SPDYE1: variants seen among roughly 807,000 people sequenced by gnomAD.
The protein encoded by SPDYE1 is speedy/RINGO cell cycle regulator family member E1, also known as speedy protein E1.
In SPDYE1, 29 loss-of-function variants were observed where a neutral mutation model predicts 45.9. The ratio of observed to expected loss-of-function variants is 0.63; its 90% CI spans 0.47 to 0.86. The LOEUF is 0.86. SPDYE1 is among the 40% of genes least tolerant of loss of function. The probability of loss-of-function intolerance (pLI) is 0.00; values close to 1 mark genes in which losing one functional copy is unlikely to be tolerated. For synonymous variants in SPDYE1, 134 were observed against 176.8 expected (o/e 0.76, Z 1.92); for missense variants, 346 against 481.4 (o/e 0.72, Z 2.63).
Position 44,009,379 on chromosome 7 carries a change from T to C in SPDYE1, c.*758T>C, listed in dbSNP as rs1016898345. On this transcript the variant is annotated 3_prime_UTR_variant, in exon 9 of 9. Coordinates refer to ENST00000693451, the MANE Select transcript of SPDYE1 (RefSeq NM_001378423.2). ...GAGCACTCTTTTTATCTATGATACT[T>C]CCATAATAATCTCTTCTATTTATAG... is the stretch of plus-strand genomic sequence containing the variant. 2 of 151,772 alleles carry C rather than the reference T, an allele frequency of 1.3e-5. No individual in the cohort carries two copies. The highest frequency in any genetic ancestry group is 6.6e-5 in the Admixed American group (1 of 15,204). The allele number at this position is 151,772 out of a possible 1,614,324, so 9.4% of individuals were successfully genotyped here.
Position 44,005,165 on chromosome 7 carries a change from G to T in SPDYE1, c.690G>T (p.Ala230=), listed in dbSNP as rs369364627. 6.2e-6 allele frequency: 10 copies of T among 1,611,734 alleles called. No individual in the cohort carries two copies. Among genetic ancestry groups the T allele is most frequent in the Middle Eastern group, 2.2e-4 (1 of 4,452 alleles). Residue 230 remains alanine, a synonymous_variant, in exon 6 of 9, where the codon GCG becomes GCT. Coordinates refer to ENST00000693451, the MANE Select transcript of SPDYE1 (RefSeq NM_001378423.2). ...AGTATCTCCTTGCTATGGTCATAGCGTATTTCAGCCGAGCCGGCTTCCCCT... is the reference window on the plus strand; with the variant it reads ...AGTATCTCCTTGCTATGGTCATAGCTTATTTCAGCCGAGCCGGCTTCCCCT... ...SDKYLLAMVI[A]YFSRAGFPSW...
At chr7:44,007,111 T>C in intron 6 of SPDYE1, 157 bp from the exon 7 acceptor site, 2 of 1,521,992 alleles carry the variant, frequency 1.3e-6, no homozygotes, top group South Asian at 1.3e-5. Flanking sequence ...CAGGTCTCTG[T>C]CCAGCAGAGC....
rs1400225973 is a variant in SPDYE1 at position 44,007,801 on chromosome 7, G to A, written c.*33G>A. ...GGGACCGTGGAGGCCTGAGGTCATC[G>A]GCCTGAGAGAAGGTACATCTGCATC... On this transcript the variant is annotated 3_prime_UTR_variant, in exon 8 of 9. Transcript: ENST00000693451. The A allele has an allele frequency of 2.8e-5, 45 of 1,607,074 alleles. No homozygotes were observed. The Middle Eastern group carries it at 1.6e-3, about 56-fold the overall frequency.
intron 5 of SPDYE1, 54 bp from the exon 6 acceptor site, chr7:44,005,088 C>A (rs1227624646): frequency 1.4e-4 from 219 of 1,588,854 alleles, no homozygotes; most frequent in East Asian, 1.1e-4. Context: ...TCTCCACAAT[C>A]TTCCTCTTCC....
At position 44,007,171 on chromosome 7, in the gene SPDYE1, T is replaced by G. The variant is rs2096072424; in HGVS notation, c.753-97T>G. The G allele has an allele frequency of 8.1e-6, 13 of 1,607,778 alleles. No individual in the cohort carries two copies. The South Asian group carries it at 1.4e-4, about 18-fold the overall frequency. ...TGCAGGGTGGGTGCCAGTCCTGAGC[T>G]AGGAACGGTCCCTTACCTTCCTCTC... On this transcript the variant is annotated intron_variant, in intron 6 of 8. Coordinates refer to ENST00000693451, the MANE Select transcript of SPDYE1 (RefSeq NM_001378423.2).
intron 8 of SPDYE1, among the ~76,000 whole-genome samples, chr7:44,008,259 T>C (rs954855141): frequency 6.6e-6 from 1 of 152,242 alleles, no homozygotes; most frequent in Non-Finnish European, 1.5e-5. Flanking sequence ...GATTAAGGAT[T>C]AGGCTTCTGG....
chr7:44,002,319 C>CAAAAAAAAAA (rs57275170), intron 3 of SPDYE1, among the ~76,000 whole-genome samples: 1 of 43,334 alleles, frequency 2.3e-5, no homozygotes, highest in African/African-American at 8.5e-5. Flanking sequence ...ACAACAACAA[C>CAAAAAAAAAA]AAAAAAAAAA....
chr7:44,002,662 C>A lies in SPDYE1; in HGVS notation c.452C>A (p.Ser151Tyr). 3.8e-6 allele frequency: 6 copies of A among 1,597,580 alleles called. No homozygotes were observed. The highest frequency in any genetic ancestry group is 5.1e-6 in the Non-Finnish European group (6 of 1,179,910). The change falls in exon 4 of 9, where the codon TCT becomes TAT. Residue 151 changes from serine (S) to tyrosine (Y), a missense_variant. Transcript: ENST00000693451. ...AGGAAGATGGAGTGGTGGGACAAATCTGAGGAGTCGGAGGAGGAGCCACGG... is the reference window on the plus strand; with the variant it reads ...AGGAAGATGGAGTGGTGGGACAAATATGAGGAGTCGGAGGAGGAGCCACGG... ...WKRKMEWWDK[S>Y]EESEEEPRKV...
rs1759984021 is a variant in SPDYE1, at chr7:44,002,631, T to C, written c.421T>C (p.Trp141Arg). Residue 141 changes from tryptophan (W) to arginine (R), a missense_variant, in exon 4 of 9, where the codon TGG becomes CGG. Trp to Arg is a moderately radical substitution (Grantham distance 101, BLOSUM62 -3). Coordinates refer to ENST00000693451, the MANE Select transcript of SPDYE1 (RefSeq NM_001378423.2). ...DPSPPHRSFCWKRKMEWWDKS... is the reference protein window; with the variant it reads ...DPSPPHRSFCRKRKMEWWDKS... ...CAGCCCCCCGCATAGGTCCTTTTGCTGGAAAAGGAAGATGGAGTGGTGGGA... is the reference window on the plus strand; with the variant it reads ...CAGCCCCCCGCATAGGTCCTTTTGCCGGAAAAGGAAGATGGAGTGGTGGGA... 1.3e-6 allele frequency: 2 copies of C among 1,596,830 alleles called. No homozygotes were observed. The highest frequency in any genetic ancestry group is 1.7e-6 in the Non-Finnish European group (2 of 1,179,762).
intron 5 of SPDYE1, chr7:44,004,297 A>G (rs1174089142): frequency 2.9e-6 from 1 of 349,048 alleles, no homozygotes; most frequent in African/African-American, 2.1e-5. Context: ...GGCCTCCCAA[A>G]GTGCTGAGAT....
intron 8 of SPDYE1, 48 bp downstream of exon 8, chr7:44,007,861 C>T (rs2096073940): frequency 8.8e-6 from 14 of 1,587,974 alleles, no homozygotes; most frequent in Middle Eastern, 4.5e-4. Flanking sequence ...GGGTCTATTT[C>T]GGAAATCCGA....
chr7:44,001,913 C>T (rs1332862512), intron 3 of SPDYE1, among the ~76,000 whole-genome samples: 1 of 149,110 alleles, frequency 6.7e-6, no homozygotes, highest in East Asian at 2.0e-4. Context: ...GCATTCCATT[C>T]TGGGTGAGAG....
Position 44,004,140 on chromosome 7 carries a change from A to T in SPDYE1, c.666+229A>T, listed in dbSNP as rs2096068052. 1.5e-5 allele frequency: 11 copies of T among 713,644 alleles called. No homozygotes were observed. The East Asian group carries it at 3.1e-4, about 20-fold the overall frequency. The allele number at this position is 713,644 out of a possible 1,614,324, so 44.2% of individuals were successfully genotyped here. ...AGCCGATGCCTCCTGGGTTCAAGCG[A>T]TTCTCCTGCCTCAGCCTCCAAGCAG... is the stretch of plus-strand genomic sequence containing the variant. On this transcript the variant is annotated intron_variant, in intron 5 of 8. Coordinates refer to ENST00000693451, the MANE Select transcript of SPDYE1 (RefSeq NM_001378423.2).
intron 4 of SPDYE1, 128 bp downstream of exon 4, chr7:44,002,945 G>T: frequency 1.7e-6 from 1 of 572,946 alleles, no homozygotes; most frequent in Non-Finnish European, 2.9e-6. Context: ...GGAGGAATGT[G>T]AAGTGATCAC....
At chr7:43,998,136 T>G (rs2096057974) in intron 1 of SPDYE1, among the ~76,000 whole-genome samples, 177 bp downstream of exon 1, 1 of 151,894 alleles carries the variant, frequency 6.6e-6, no homozygotes, top group African/African-American at 2.4e-5. Flanking sequence ...CCCACCCAGC[T>G]CTGACGGTTT....
At position 44,010,051 on chromosome 7, in the gene SPDYE1, CTGTG is replaced by C. The variant is rs2096076897; in HGVS notation, c.*1434_*1437del. ...TGTGTGTTCTAAAGGAGGACATGAGCTGTGTGTTTTCAAGAGAACAATAGAGTGT... is the reference window on the plus strand; with the variant it reads ...TGTGTGTTCTAAAGGAGGACATGAGCTGTTTTCAAGAGAACAATAGAGTGT... On this transcript the variant is annotated 3_prime_UTR_variant, in exon 9 of 9. Coordinates refer to ENST00000693451, the MANE Select transcript of SPDYE1 (RefSeq NM_001378423.2). 6.6e-6 allele frequency: 1 copy of C among 152,154 alleles called. No individual in the cohort carries two copies. The highest frequency in any genetic ancestry group is 1.9e-4 in the East Asian group (1 of 5,198). The allele number at this position is 152,154 out of a possible 1,614,324, so 9.4% of individuals were successfully genotyped here.
intron 3 of SPDYE1, among the ~76,000 whole-genome samples, chr7:44,002,319 C>CAAAAAAA (rs57275170): frequency 2.5e-4 from 11 of 43,318 alleles, no homozygotes; most frequent in African/African-American, 4.3e-4. Flanking sequence ...ACAACAACAA[C>CAAAAAAA]AAAAAAAAAA....
At chr7:44,005,395 A>C in intron 6 of SPDYE1, 168 bp downstream of exon 6, 2 of 1,116,210 alleles carry the variant, frequency 1.8e-6, no homozygotes, top group Non-Finnish European at 2.6e-6. Context: ...ACAGAAACTC[A>C]GGCTGGGCAC....
chr7:44,006,768 C>A (rs1252157537), intron 6 of SPDYE1, among the ~76,000 whole-genome samples: 1 of 152,206 alleles, frequency 6.6e-6, no homozygotes, highest in Non-Finnish European at 1.5e-5. Context: ...GGTGTGCCAT[C>A]GCACCAGGCT....
Sources: allele counts gnomAD v4.1 joint callset (sites outside exome capture counted in the v4.1 genomes callset), GRCh38; gene constraint gnomAD v4.1.1; transcripts MANE v1.5; gene names NCBI Gene and HGNC (gene_info 2026-07-23, HGNC 2026-07-21).